Variants in NCAPG2 observed in about 807,000 individuals in gnomAD.
The protein encoded by NCAPG2 is condensin-2 complex subunit G2.
Under a neutral mutation model 141.1 loss-of-function variants are expected in NCAPG2, and 53 were observed. That is an observed-to-expected ratio of 0.38 (90% CI 0.30 to 0.47). The LOEUF is 0.47. Ranked by LOEUF, NCAPG2 falls within the 20% of genes least tolerant of loss-of-function variation. The pLI is 0.99. For missense variants in NCAPG2, 1,087 were observed against 1,389.0 expected (o/e 0.78, Z 3.46); for synonymous variants, 499 against 490.7 (o/e 1.02, Z -0.22).
chr7:158,696,974 C>CCA (rs1835488711), intron 2 of NCAPG2, among the ~76,000 whole-genome samples: 1 of 152,254 alleles, frequency 6.6e-6, no homozygotes, highest in African/African-American at 2.4e-5. Flanking sequence ...GATGTCATGG[C>CCA]TGTCAAAACA....
chr7:158,673,620 A>G (rs562800780), intron 12 of NCAPG2, among the ~76,000 whole-genome samples: 3 of 152,304 alleles, frequency 2.0e-5, no homozygotes, highest in African/African-American at 7.2e-5. Flanking sequence ...CATGCTGTGG[A>G]TAGTCTGAAT....
intron 24 of NCAPG2, among the ~76,000 whole-genome samples, chr7:158,647,978 C>G (rs1831155161): frequency 6.6e-6 from 1 of 152,174 alleles, no homozygotes; most frequent in Non-Finnish European, 1.5e-5. Context: ...GCTACCGTGC[C>G]TGGCCTAGAC....
At chr7:158,681,742 C>T (rs1587256874) in intron 9 of NCAPG2, among the ~76,000 whole-genome samples, 1 of 152,246 alleles carries the variant, frequency 6.6e-6, no homozygotes, top group South Asian at 2.1e-4. Context: ...TTCTAAACAG[C>T]TTAAGACTTA....
At chr7:158,667,132 A>AAACCTTTCCAG (rs1382354680) in intron 13 of NCAPG2, 2 of 985,122 alleles carry the variant, frequency 2.0e-6, no homozygotes, top group African/African-American at 3.5e-5. Flanking sequence ...TGCTCGTCAC[A>AAACCTTTCCAG]AACCTTTCCA....
chr7:158,643,344 G>C lies in NCAPG2; in HGVS notation c.3380+945C>G, dbSNP rs112823794. On this transcript the variant is annotated intron_variant, in intron 27 of 27. Transcript: ENST00000356309. ...GATCCGCCTGCCTTGGCCTCCCAAAGTGCTGGGACTATAGGCATGAGTCAC... is the reference window on the plus strand; with the variant it reads ...GATCCGCCTGCCTTGGCCTCCCAAACTGCTGGGACTATAGGCATGAGTCAC... Among the ~76,000 whole-genome samples the C allele has an allele frequency of 4.2e-4, 63 of 151,712 alleles. 2 individuals carry two copies. The highest frequency in any genetic ancestry group is 1.3e-3 in the African/African-American group (54 of 41,344).
intron 13 of NCAPG2, among the ~76,000 whole-genome samples, chr7:158,668,785 G>A (rs1833476685): frequency 6.6e-6 from 1 of 152,126 alleles, no homozygotes; most frequent in African/African-American, 2.4e-5. Context: ...TTAAGTTCAG[G>A]GGTACAAATG....
At chr7:158,658,288 A>T (rs1269552108) in intron 17 of NCAPG2, 50 bp downstream of exon 17, 1 of 1,510,846 alleles carries the variant, frequency 6.6e-7, no homozygotes. Flanking sequence ...TCAGCACAAC[A>T]ATGGACAGGA....
Position 158,646,485 on chromosome 7 carries a change from T to A in NCAPG2, c.3154A>T (p.Ile1052Leu). The change falls in exon 25 of 28, where the codon ATA becomes TTA. Residue 1052 changes from isoleucine (I) to leucine (L), a missense_variant. Transcript: ENST00000356309. ...PPFSRCLIGI[I>L]IKSSNVVRSF... ...CTGACCACATTCGAAGACTTTATTA[T>A]TATTCCTATTAAACACCTTGAAAAT... is the stretch of plus-strand genomic sequence containing the variant. 1 of 1,598,776 alleles carries A rather than the reference T, an allele frequency of 6.3e-7. No homozygotes were observed. Among genetic ancestry groups the A allele is most frequent in the Non-Finnish European group, 8.5e-7 (1 of 1,175,400 alleles).
At chr7:158,674,354 T>C (rs1833928654) in intron 12 of NCAPG2, among the ~76,000 whole-genome samples, 1 of 151,954 alleles carries the variant, frequency 6.6e-6, no homozygotes, top group African/African-American at 2.4e-5. Context: ...TGGCACAATC[T>C]TGGCTCACTG....
intron 13 of NCAPG2, 56 bp downstream of exon 13, chr7:158,671,458 T>C: frequency 6.3e-7 from 1 of 1,592,928 alleles, no homozygotes; most frequent in Non-Finnish European, 8.6e-7. Context: ...TCTTTCTGTT[T>C]GATGAACACA....
chr7:158,661,719 C>G (rs1832521204), intron 16 of NCAPG2, among the ~76,000 whole-genome samples: 1 of 152,044 alleles, frequency 6.6e-6, no homozygotes, highest in Non-Finnish European at 1.5e-5. Context: ...TTTGTCAATT[C>G]AAAATAAATT....
intron 24 of NCAPG2, among the ~76,000 whole-genome samples, chr7:158,650,319 A>G (rs1831391814): frequency 6.6e-6 from 1 of 152,246 alleles, no homozygotes; most frequent in South Asian, 2.1e-4. Context: ...TGCTGGGATT[A>G]CAGGCATGAG....
At chr7:158,676,345 A>G (rs1472800252) in intron 11 of NCAPG2, among the ~76,000 whole-genome samples, 2 of 152,238 alleles carry the variant, frequency 1.3e-5, no homozygotes, top group Non-Finnish European at 2.9e-5. Flanking sequence ...TTTTAAGAAA[A>G]CAAAACACAA....
At chr7:158,662,677 C>T (rs970816196) in intron 15 of NCAPG2, among the ~76,000 whole-genome samples, 16 of 152,258 alleles carry the variant, frequency 1.1e-4, no homozygotes, top group Admixed American at 9.1e-4. Flanking sequence ...AAAAACATGC[C>T]TTTTCTTTCA....
At position 158,664,316 on chromosome 7, in the gene NCAPG2, CAA is replaced by C; in HGVS notation, c.1703-22_1703-21del. 2 of 1,587,138 alleles carry C rather than the reference CAA, an allele frequency of 1.3e-6. No individual in the cohort carries two copies. Among genetic ancestry groups the C allele is most frequent in the Non-Finnish European group, 1.7e-6 (2 of 1,155,742 alleles). On this transcript the variant is annotated intron_variant, in intron 14 of 27. Coordinates refer to ENST00000356309, the MANE Select transcript of NCAPG2 (RefSeq NM_017760.7). ...GCTTTGCTGAAATGTTTAGGATAAA[CAA>C]GAATTAATGGATGTGTTTCTTCTAC...
Position 158,692,940 on chromosome 7 carries a change from AT to A in NCAPG2, c.283del (p.Ile95Ter). 1 of 1,557,536 alleles carries A rather than the reference AT, an allele frequency of 6.4e-7. No individual in the cohort carries two copies. The highest frequency in any genetic ancestry group is 8.8e-7 in the Non-Finnish European group (1 of 1,139,728). ...HGSKMRKSIE[I>X]IYAITSVILA... ...AATCACAGATGTAATTGCATAAATT[AT>A]TTCTATGCTTTTTCTCTATAAATGA... is the stretch of plus-strand genomic sequence containing the variant. On this transcript the variant is annotated frameshift_variant, in exon 4 of 28. Coordinates refer to ENST00000356309, the MANE Select transcript of NCAPG2 (RefSeq NM_017760.7). LOFTEE classifies it high-confidence loss of function.
chr7:158,699,799 T>C (rs1467750662), intron 2 of NCAPG2, among the ~76,000 whole-genome samples: 2 of 152,378 alleles, frequency 1.3e-5, no homozygotes, highest in East Asian at 3.9e-4. Flanking sequence ...ATAGTATTTA[T>C]GCATTTCTTA....
At chr7:158,642,955 A>C (rs4909246) in intron 27 of NCAPG2, among the ~76,000 whole-genome samples, 77,786 of 151,906 alleles carry the variant, frequency 0.51, 21,582 homozygotes, top group Non-Finnish European at 0.61. Context: ...TTTTATTTTT[A>C]TTTTTTACTT....
intron 10 of NCAPG2, among the ~76,000 whole-genome samples, chr7:158,680,423 G>A (rs900317884): frequency 2.9e-4 from 44 of 152,096 alleles, no homozygotes; most frequent in Non-Finnish European, 6.2e-4. Context: ...AGGCCAGCGC[G>A]GCAAACCACC....
Sources: allele counts gnomAD v4.1 joint callset (sites outside exome capture counted in the v4.1 genomes callset), GRCh38; gene constraint gnomAD v4.1.1; transcripts MANE v1.5; gene names NCBI Gene and HGNC (gene_info 2026-07-23, HGNC 2026-07-21).